Variants in CAMKK2 observed in about 807,000 individuals in gnomAD.
CAMKK2 encodes calcium/calmodulin-dependent protein kinase kinase 2.
In CAMKK2, 30 loss-of-function variants were observed where a neutral mutation model predicts 67.2. That is an observed-to-expected ratio of 0.45 (90% CI 0.33 to 0.61). The LOEUF (loss-of-function observed/expected upper bound fraction) is 0.61, where lower values mean the gene tolerates loss of function less well. Among genes scored for constraint, CAMKK2 ranks in the 20% least tolerant of loss-of-function variants. The pLI is 0.02. For synonymous variants in CAMKK2, 322 were observed against 326.2 expected, an observed-to-expected ratio of 0.99 and a Z score of 0.14; for missense variants, 643 against 802.0, an observed-to-expected ratio of 0.80 and a Z score of 2.39.
chr12:121,284,406 C>G (rs1414750777), intron 1 of CAMKK2, among the ~76,000 whole-genome samples: 1 of 151,278 alleles, frequency 6.6e-6, no homozygotes, highest in Admixed American at 6.6e-5. Flanking sequence ...CTCAGCGCAA[C>G]CTCTGCCTCC....
chr12:121,250,085 C>A, intron 11 of CAMKK2, 51 bp from the exon 12 acceptor site: 1 of 1,403,958 alleles, frequency 7.1e-7, no homozygotes. Context: ...CACATCTGCC[C>A]TTCGAGGGCC....
chr12:121,244,529 C>G (rs1191397991), intron 16 of CAMKK2, 44 bp downstream of exon 16: 1 of 1,544,578 alleles, frequency 6.5e-7, no homozygotes, highest in Non-Finnish European at 8.8e-7. Flanking sequence ...ACCCGCCCCC[C>G]TCAGGCCCCA....
chr12:121,254,946 G>A (rs1891550838), intron 9 of CAMKK2, among the ~76,000 whole-genome samples: 1 of 151,814 alleles, frequency 6.6e-6, no homozygotes, highest in African/African-American at 2.4e-5. Context: ...GTGGGCTGGG[G>A]AAGGCAGACC....
rs1324406458 is a variant in CAMKK2 at position 121,238,504 on chromosome 12, T to C, written c.*2195A>G. 6.6e-6 allele frequency: 1 copy of C among 152,598 alleles called. No homozygotes were observed. Among genetic ancestry groups the C allele is most frequent in the Non-Finnish European group, 1.5e-5 (1 of 68,028 alleles). 9.5% of individuals were successfully genotyped at this position (152,598 alleles called of 1,614,324 possible). ...CTGTGTTTACAGCCATCTTGGCTTA[T>C]CCTTTTCATGTGGGGCAGGTCCTTT... On this transcript the variant is annotated 3_prime_UTR_variant, in exon 17 of 17. Transcript: ENST00000404169.
At chr12:121,284,002 C>T (rs941035360) in intron 1 of CAMKK2, among the ~76,000 whole-genome samples, 10 of 152,242 alleles carry the variant, frequency 6.6e-5, no homozygotes, top group Admixed American at 4.6e-4. Flanking sequence ...CTCACCAGCA[C>T]GCCACAGTCC....
intron 1 of CAMKK2, among the ~76,000 whole-genome samples, chr12:121,292,969 A>G (rs910080816): frequency 1.0e-4 from 15 of 150,338 alleles, no homozygotes; most frequent in Non-Finnish European, 2.2e-4. Context: ...ATCCCATCTC[A>G]AAAGAAAAAA....
chr12:121,256,671 C>T (rs544514859), intron 7 of CAMKK2, among the ~76,000 whole-genome samples: 1 of 152,260 alleles, frequency 6.6e-6, no homozygotes, highest in Non-Finnish European at 1.5e-5. Flanking sequence ...TTGTGTCTGG[C>T]TTCTTTCACT....
intron 5 of CAMKK2, among the ~76,000 whole-genome samples, chr12:121,266,646 C>T (rs565663986): frequency 6.6e-6 from 1 of 152,222 alleles, no homozygotes; most frequent in East Asian, 1.9e-4. Context: ...CAGGCACCCA[C>T]CATGCCTGGC....
chr12:121,243,297 C>T (rs1304236148), intron 16 of CAMKK2, among the ~76,000 whole-genome samples: 3 of 151,778 alleles, frequency 2.0e-5, no homozygotes, highest in African/African-American at 7.3e-5. Context: ...TCCCAAAGTG[C>T]TGGGATTACA....
intron 1 of CAMKK2, among the ~76,000 whole-genome samples, chr12:121,286,135 T>C (rs537012172): frequency 2.0e-5 from 3 of 152,300 alleles, no homozygotes; most frequent in African/African-American, 7.2e-5. Flanking sequence ...CGTGATTAGT[T>C]TTCCATCATT....
intron 1 of CAMKK2, among the ~76,000 whole-genome samples, chr12:121,295,650 A>AAGGTAAAAGTAGCC (rs1761231652): frequency 6.6e-6 from 1 of 152,068 alleles, no homozygotes; most frequent in Non-Finnish European, 1.5e-5. Context: ...CAGGCTGGGG[A>AAGGTAAAAGTAGCC]AGGTAAAAGT....
intron 16 of CAMKK2, among the ~76,000 whole-genome samples, 156 bp downstream of exon 16, chr12:121,244,417 C>A (rs75160588): frequency 6.6e-6 from 1 of 152,342 alleles, no homozygotes; most frequent in African/African-American, 2.4e-5. Flanking sequence ...GCCCCTCATT[C>A]TAATACTGGG....
intron 9 of CAMKK2, among the ~76,000 whole-genome samples, chr12:121,254,171 C>T (rs535312727): frequency 3.3e-4 from 50 of 152,174 alleles, no homozygotes; most frequent in Middle Eastern, 3.4e-3. Context: ...TAAGAGATAA[C>T]GTGGTGGCCG....
At chr12:121,242,322 A>G (rs1277567571) in intron 16 of CAMKK2, among the ~76,000 whole-genome samples, 1 of 151,818 alleles carries the variant, frequency 6.6e-6, no homozygotes, top group Non-Finnish European at 1.5e-5. Context: ...CAACCTGGGC[A>G]ACAGTGCAAG....
At position 121,285,916 on chromosome 12, in the gene CAMKK2, C is replaced by A. The variant is rs1427727893; in HGVS notation, c.-60+10722G>T. ...AATGTCCTTTCTGTTGAACCTAGAG[C>A]TCAGAGGATATATTCCTAAAGCTAC... On this transcript the variant is annotated intron_variant, in intron 1 of 16. Coordinates refer to ENST00000404169, the MANE Select transcript of CAMKK2 (RefSeq NM_001270485.2). The surrounding 1 kb of genome is among the most constrained non-coding windows in gnomAD (Gnocchi z 4.1). Among the ~76,000 whole-genome samples the A allele has an allele frequency of 6.6e-6, 1 of 152,124 alleles. No homozygotes were observed. Among genetic ancestry groups the A allele is most frequent in the Non-Finnish European group, 1.5e-5 (1 of 68,020 alleles).
At chr12:121,293,526 T>G (rs1341257681) in intron 1 of CAMKK2, among the ~76,000 whole-genome samples, 1 of 152,084 alleles carries the variant, frequency 6.6e-6, no homozygotes, top group East Asian at 1.9e-4. Context: ...ATGGTGATTC[T>G]GTGGCCCATG....
At chr12:121,270,044 G>A (rs183741321) in intron 3 of CAMKK2, among the ~76,000 whole-genome samples, 1 of 150,288 alleles carries the variant, frequency 6.7e-6, no homozygotes, top group African/African-American at 2.5e-5. Flanking sequence ...GTGAAATTCA[G>A]TCTCAAAAAA....
rs757689916 is a variant in CAMKK2 at position 121,270,886 on chromosome 12, AG to A, written c.519+11del. The A allele has an allele frequency of 1.6e-5, 25 of 1,609,924 alleles. No homozygotes were observed. The African/African-American group carries it at 2.5e-4, about 16-fold the overall frequency. On this transcript the variant is annotated intron_variant, in intron 3 of 16. Coordinates refer to ENST00000404169, the MANE Select transcript of CAMKK2 (RefSeq NM_001270485.2). ...GAATGCAGAAAGCCAGCCTAGCCCC[AG>A]GGATATTTACCTTTCCAATTTCATC...
chr12:121,284,946 C>T (rs547636604), intron 1 of CAMKK2, among the ~76,000 whole-genome samples: 59 of 152,298 alleles, frequency 3.9e-4, no homozygotes, highest in South Asian at 1.0e-3. Flanking sequence ...GGACACTGCT[C>T]GCACTCAGTA....
Sources: allele counts gnomAD v4.1 joint callset (sites outside exome capture counted in the v4.1 genomes callset), GRCh38; gene constraint gnomAD v4.1.1; non-coding constraint Gnocchi (gnomAD v3.1); transcripts MANE v1.5; gene names NCBI Gene and HGNC (gene_info 2026-07-23, HGNC 2026-07-21).